CAMKMT: variants seen among roughly 807,000 people sequenced by gnomAD.
CAMKMT encodes the protein calmodulin-lysine N-methyltransferase, also known as CaM KMT.
Under a neutral mutation model 48.0 loss-of-function variants are expected in CAMKMT, and 53 were observed. That is an observed-to-expected ratio of 1.10 (90% CI 0.89 to 1.39). The LOEUF is 1.39. Ranked by LOEUF, CAMKMT falls within the 40% of genes most tolerant of loss-of-function variation. The pLI, the probability that CAMKMT is intolerant of heterozygous loss-of-function variation, is 0.00. For synonymous variants in CAMKMT, 165 were observed against 152.3 expected (o/e 1.08, Z -0.61); for missense variants, 428 against 402.7 (o/e 1.06, Z -0.54).
rs112931600 is a variant in CAMKMT, at chr2:44,375,412, A to G, written c.311+2524A>G. 1.7e-3 allele frequency among the ~76,000 whole-genome samples: 257 copies of G among 151,704 alleles called. 1 individual carries two copies. The highest frequency in any genetic ancestry group is 4.7e-3 in the African/African-American group (195 of 41,518). On this transcript the variant is annotated intron_variant, in intron 2 of 10. Coordinates refer to ENST00000378494, the MANE Select transcript of CAMKMT (RefSeq NM_024766.5). ...GAAATAAATATAAATATACAATACT[A>G]TGCTTAAGGAGCTGAAATAGATAAA...
intron 2 of CAMKMT, among the ~76,000 whole-genome samples, chr2:44,388,687 TC>T (rs1265743953): frequency 6.6e-6 from 1 of 152,164 alleles, no homozygotes; most frequent in Non-Finnish European, 1.5e-5. Flanking sequence ...GATTCTTTTG[TC>T]CCACTGGGTG....
At chr2:44,508,420 C>T (rs1670368809) in intron 3 of CAMKMT, among the ~76,000 whole-genome samples, 1 of 152,084 alleles carries the variant, frequency 6.6e-6, no homozygotes, top group Non-Finnish European at 1.5e-5. Context: ...GGTATAGAAC[C>T]AGTTACAGGA....
In CAMKMT at chr2:44,706,224, A is replaced by G. The variant is rs1677550981; in HGVS notation, c.438-63A>G. ...ATGGCAATTTGTTCTTGTAACATAT[A>G]TCTCTCTCTGACCATTTTCATCTAA... On this transcript the variant is annotated intron_variant, in intron 4 of 10. Coordinates refer to ENST00000378494, the MANE Select transcript of CAMKMT (RefSeq NM_024766.5). 2.6e-6 allele frequency: 4 copies of G among 1,544,912 alleles called. No individual in the cohort carries two copies. The South Asian group carries it at 4.5e-5, about 17-fold the overall frequency.
chr2:44,546,945 T>A (rs1410022050), intron 3 of CAMKMT, among the ~76,000 whole-genome samples: 2 of 152,138 alleles, frequency 1.3e-5, no homozygotes, highest in African/African-American at 2.4e-5. Context: ...AAGTTGCCTT[T>A]TTAGTGGGGG....
chr2:44,501,352 CTGT>C (rs1194526115), intron 3 of CAMKMT, among the ~76,000 whole-genome samples: 1 of 152,042 alleles, frequency 6.6e-6, no homozygotes, highest in Admixed American at 6.6e-5. Flanking sequence ...TGAGATAGAA[CTGT>C]TGTTGACTGT....
chr2:44,693,610 T>C (rs1676777444), intron 3 of CAMKMT, among the ~76,000 whole-genome samples: 1 of 152,214 alleles, frequency 6.6e-6, no homozygotes, highest in Non-Finnish European at 1.5e-5. Flanking sequence ...ACCCGAAACA[T>C]TGTAGATGCC....
intron 3 of CAMKMT, among the ~76,000 whole-genome samples, chr2:44,436,923 A>G (rs1666298228): frequency 6.6e-6 from 1 of 152,238 alleles, no homozygotes; most frequent in African/African-American, 2.4e-5. Context: ...TACCTGAAAG[A>G]TTCAACTTTT....
chr2:44,376,499 C>T (rs1245491678), intron 2 of CAMKMT, among the ~76,000 whole-genome samples: 1 of 151,850 alleles, frequency 6.6e-6, no homozygotes, highest in Non-Finnish European at 1.5e-5. Flanking sequence ...TTTTCACTTT[C>T]TCAGTTCTTA....
At chr2:44,398,613 A>T (rs888283110) in intron 3 of CAMKMT, among the ~76,000 whole-genome samples, 7 of 150,660 alleles carry the variant, frequency 4.6e-5, no homozygotes, top group African/African-American at 1.5e-4. Flanking sequence ...ACGATAATAC[A>T]ATAGTAATAA....
chr2:44,395,638 C>G (rs188561316), intron 3 of CAMKMT, among the ~76,000 whole-genome samples: 154 of 152,086 alleles, frequency 1.0e-3, no homozygotes, highest in African/African-American at 3.6e-3. Context: ...AGTCTTAACT[C>G]CTTATGTAAA....
chr2:44,364,731 C>G (rs976200660), intron 1 of CAMKMT, among the ~76,000 whole-genome samples: 1 of 152,192 alleles, frequency 6.6e-6, no homozygotes, highest in Non-Finnish European at 1.5e-5. Flanking sequence ...GTTGGTGCAT[C>G]TGGGGGCCAC....
rs1199675735 is a variant in CAMKMT at position 44,452,045 on chromosome 2, TTAAA to T, written c.376+61743_376+61746del. Reference sequence around the variant, plus strand: ...AAAATATAAAACTGGCTTTTAATTGTTAAATATGTATACTATATACCATTCATAT... The same window carrying T: ...AAAATATAAAACTGGCTTTTAATTGTTATGTATACTATATACCATTCATAT... On this transcript the variant is annotated intron_variant, in intron 3 of 10. Coordinates refer to ENST00000378494, the MANE Select transcript of CAMKMT (RefSeq NM_024766.5). Among the ~76,000 whole-genome samples the T allele has an allele frequency of 4.6e-5, 7 of 152,128 alleles. No homozygotes were observed. In the East Asian group the frequency reaches 1.2e-3, roughly 25 times the overall value.
At chr2:44,429,067 AAGT>A in intron 3 of CAMKMT, among the ~76,000 whole-genome samples, 1 of 152,180 alleles carries the variant, frequency 6.6e-6, no homozygotes, top group South Asian at 2.1e-4. Context: ...CTTAAGGCTA[AAGT>A]CAAAGAGCCC....
chr2:44,753,249 CAAAAAAA>C (rs772390371), intron 8 of CAMKMT, among the ~76,000 whole-genome samples: 12 of 65,442 alleles, frequency 1.8e-4, no homozygotes, highest in African/African-American at 2.7e-4. Context: ...CCTGTCCCTA[CAAAAAAA>C]AAAAAAAAAA....
intron 3 of CAMKMT, among the ~76,000 whole-genome samples, chr2:44,629,254 C>G (rs1672668952): frequency 6.6e-6 from 1 of 151,914 alleles, no homozygotes; most frequent in South Asian, 2.1e-4. Flanking sequence ...GATTTGACTC[C>G]TACGTCTTTA....
At chr2:44,639,970 A>G (rs1362433034) in intron 3 of CAMKMT, among the ~76,000 whole-genome samples, 1 of 152,208 alleles carries the variant, frequency 6.6e-6, no homozygotes, top group Admixed American at 6.5e-5. Context: ...AATTTATAGC[A>G]GTCTTGGGTT....
At chr2:44,372,664 A>G (rs1258558733) in intron 1 of CAMKMT, 52 bp from the exon 2 acceptor site, 2 of 1,540,070 alleles carry the variant, frequency 1.3e-6, no homozygotes, top group East Asian at 4.5e-5. Flanking sequence ...TGAACACTAA[A>G]CTTACTATAT....
At chr2:44,728,839 C>CTTTTTTTT (rs70937931) in intron 7 of CAMKMT, among the ~76,000 whole-genome samples, 1 of 58,294 alleles carries the variant, frequency 1.7e-5, no homozygotes, top group Non-Finnish European at 3.5e-5. Flanking sequence ...GGGGTCTATC[C>CTTTTTTTT]TTTTTTTTTT....
intron 3 of CAMKMT, among the ~76,000 whole-genome samples, chr2:44,630,028 G>A (rs549081291): frequency 2.6e-5 from 4 of 151,396 alleles, no homozygotes; most frequent in Admixed American, 2.6e-4. Context: ...AAACAGCATG[G>A]TACTGGTACC....
Sources: allele counts gnomAD v4.1 joint callset (sites outside exome capture counted in the v4.1 genomes callset), GRCh38; gene constraint gnomAD v4.1.1; transcripts MANE v1.5; gene names NCBI Gene and HGNC (gene_info 2026-07-23, HGNC 2026-07-21).